RUSC2: variants seen among roughly 807,000 people sequenced by gnomAD.
RUSC2 encodes the protein RUN and SH3 domain containing 2, also known as AP-4 complex accessory subunit RUSC2.
Under a neutral mutation model 122.2 loss-of-function variants are expected in RUSC2, and 34 were observed. The ratio of observed to expected loss-of-function variants is 0.28; its 90% CI spans 0.21 to 0.37. RUSC2 has a LOEUF of 0.37. Among genes scored for constraint, RUSC2 ranks in the 10% least tolerant of loss-of-function variants. The probability of loss-of-function intolerance (pLI) is 1.00; values close to 1 mark genes in which losing one functional copy is unlikely to be tolerated. For synonymous variants in RUSC2, 784 were observed against 790.0 expected, an observed-to-expected ratio of 0.99 and a Z score of 0.13; for missense variants, 1,747 against 1,952.4, an observed-to-expected ratio of 0.89 and a Z score of 1.98.
intron 1 of RUSC2, among the ~76,000 whole-genome samples, chr9:35,527,941 G>C (rs1821352144): frequency 6.6e-6 from 1 of 152,158 alleles, no homozygotes; most frequent in Non-Finnish European, 1.5e-5. Flanking sequence ...GGTCATCTTG[G>C]CTGCAGTGAT....
At chr9:35,499,290 AAAAC>A (rs1458080298) in intron 1 of RUSC2, among the ~76,000 whole-genome samples, 1 of 152,002 alleles carries the variant, frequency 6.6e-6, no homozygotes, top group Non-Finnish European at 1.5e-5. Flanking sequence ...CTCAAAAACA[AAAAC>A]AAAAAACAAA....
chr9:35,514,937 C>T (rs890437753), intron 1 of RUSC2, among the ~76,000 whole-genome samples: 34 of 152,140 alleles, frequency 2.2e-4, no homozygotes, highest in African/African-American at 6.0e-4. Context: ...ACAACAATTC[C>T]ACCATAACTC....
chr9:35,514,985 A>G (rs1192476126), intron 1 of RUSC2, among the ~76,000 whole-genome samples: 1 of 152,178 alleles, frequency 6.6e-6, no homozygotes, highest in East Asian at 1.9e-4. Context: ...GGAGGGAGAA[A>G]TGTGGAATTT....
intron 1 of RUSC2, among the ~76,000 whole-genome samples, chr9:35,500,146 A>ACTGTATTAGTCTGTTTTTATG (rs371759486): frequency 0.17 from 25,998 of 151,794 alleles, 2,394 homozygotes; most frequent in Admixed American, 0.26. Flanking sequence ...TTTCTGCCTT[A>ACTGTATTAGTCTGTTTTTATG]CTGTATTAGT....
intron 1 of RUSC2, among the ~76,000 whole-genome samples, chr9:35,526,772 TCAAAA>T (rs1323180259): frequency 6.6e-6 from 1 of 152,160 alleles, no homozygotes; most frequent in African/African-American, 2.4e-5. Flanking sequence ...AGACCCTGTC[TCAAAA>T]CAAAATAAAA....
intron 1 of RUSC2, among the ~76,000 whole-genome samples, chr9:35,494,990 T>C (rs1166823210): frequency 2.6e-5 from 3 of 113,874 alleles, no homozygotes; most frequent in Non-Finnish European, 3.4e-5. Flanking sequence ...ATAATATATA[T>C]TTTATATATT....
rs1474496823 is a variant in RUSC2, at chr9:35,547,313, G to A, written c.792G>A (p.Gln264=). 1.9e-6 allele frequency: 3 copies of A among 1,614,098 alleles called. No homozygotes were observed. In the African/African-American group the frequency reaches 4.0e-5, roughly 22 times the overall value. ...STSSQSEAAD[Q]SMGYVSDSSC... ...CCAGTCAGTCCGAGGCAGCTGACCA[G>A]TCCATGGGCTATGTGAGCGACTCCT... Residue 264 remains glutamine (Q), a synonymous_variant, in exon 2 of 12, where the codon CAG becomes CAA. Coordinates refer to ENST00000361226, the MANE Select transcript of RUSC2 (RefSeq NM_014806.5). This position sits in a 1 kb window ranked among gnomAD's most constrained non-coding sequence, Gnocchi z 4.6.
intron 1 of RUSC2, among the ~76,000 whole-genome samples, chr9:35,492,551 T>C (rs1443442507): frequency 6.6e-6 from 1 of 151,988 alleles, no homozygotes; most frequent in African/African-American, 2.4e-5. Flanking sequence ...GAGAGCATCA[T>C]TTTGAGTAGC....
chr9:35,554,644 A>G (rs1186289013), intron 2 of RUSC2, among the ~76,000 whole-genome samples: 1 of 152,234 alleles, frequency 6.6e-6, no homozygotes, highest in Non-Finnish European at 1.5e-5. Flanking sequence ...GTTATAGCAC[A>G]TTTTAAGTGA....
At position 35,547,733 on chromosome 9, in the gene RUSC2, A is replaced by G. The variant is rs367983066; in HGVS notation, c.1212A>G (p.Leu404=). The change falls in exon 2 of 12, where the codon CTA becomes CTG. Residue 404 remains leucine (L), a synonymous_variant. Transcript: ENST00000361226. The surrounding 1 kb of genome is among the most constrained non-coding windows in gnomAD (Gnocchi z 4.6). Reference sequence around the variant, plus strand: ...ACTATAAACTTGTCACCTGTGACCTATCTTCCCAATCATCCCCAAGCCCTG... The same window carrying G: ...ACTATAAACTTGTCACCTGTGACCTGTCTTCCCAATCATCCCCAAGCCCTG... ...QNYYKLVTCD[L]SSQSSPSPAG... 25 of 1,614,006 alleles carry G rather than the reference A, an allele frequency of 1.5e-5. No individual in the cohort carries two copies. The highest frequency in any genetic ancestry group is 2.0e-5 in the Non-Finnish European group (24 of 1,180,040).
chr9:35,513,736 G>A (rs1009897497), intron 1 of RUSC2, among the ~76,000 whole-genome samples: 3 of 150,532 alleles, frequency 2.0e-5, no homozygotes, highest in Non-Finnish European at 4.4e-5. Context: ...TTTTGGCCAG[G>A]TGCAGTGGCT....
intron 1 of RUSC2, among the ~76,000 whole-genome samples, chr9:35,492,671 T>G (rs1820590113): frequency 8.5e-6 from 1 of 117,272 alleles, no homozygotes; most frequent in South Asian, 2.7e-4. Flanking sequence ...CTCTTTATGG[T>G]GGTAATATAT....
intron 1 of RUSC2, among the ~76,000 whole-genome samples, chr9:35,522,549 C>T (rs922414853): frequency 6.6e-6 from 1 of 152,242 alleles, no homozygotes; most frequent in Non-Finnish European, 1.5e-5. Context: ...ATTATTTTAA[C>T]AAAATTATGA....
chr9:35,520,843 T>C (rs1441170629), intron 1 of RUSC2, among the ~76,000 whole-genome samples: 1 of 152,224 alleles, frequency 6.6e-6, no homozygotes, highest in Non-Finnish European at 1.5e-5. Context: ...GCTCCCTTGC[T>C]GCTCACCTAC....
chr9:35,517,690 A>G (rs1344978271), intron 1 of RUSC2, among the ~76,000 whole-genome samples: 2 of 152,190 alleles, frequency 1.3e-5, no homozygotes, highest in Admixed American at 6.5e-5. Flanking sequence ...TAGGCCTGAA[A>G]GAAGGGCACT....
Position 35,556,096 on chromosome 9 carries a change from G to A in RUSC2, c.2801G>A (p.Gly934Asp). The change falls in exon 4 of 12, where the codon GGC (glycine) becomes GAC (aspartate). Residue 934 changes from glycine to aspartate, a missense_variant. Coordinates refer to ENST00000361226, the MANE Select transcript of RUSC2 (RefSeq NM_014806.5). ...ARRNPIFEFP[G>D]SLSAASHLNC... ...AGAAACCCTATCTTTGAGTTCCCTG[G>A]CTCCCTCAGTGCTGCCAGCCATCTG... 6.2e-7 allele frequency: 1 copy of A among 1,614,166 alleles called. No individual in the cohort carries two copies. Among genetic ancestry groups the A allele is most frequent in the Non-Finnish European group, 8.5e-7 (1 of 1,180,020 alleles).
At chr9:35,524,029 A>G (rs1821272478) in intron 1 of RUSC2, among the ~76,000 whole-genome samples, 1 of 151,794 alleles carries the variant, frequency 6.6e-6, no homozygotes, top group African/African-American at 2.4e-5. Flanking sequence ...ATAATAGAAA[A>G]TTGTCATTTT....
chr9:35,510,142 G>A (rs1272679215), intron 1 of RUSC2, among the ~76,000 whole-genome samples: 1 of 152,146 alleles, frequency 6.6e-6, no homozygotes, highest in Non-Finnish European at 1.5e-5. Flanking sequence ...AAAATGAATG[G>A]GAATAAAAGT....
chr9:35,529,553 T>G (rs1325612001), intron 1 of RUSC2, among the ~76,000 whole-genome samples: 1 of 150,630 alleles, frequency 6.6e-6, no homozygotes. Context: ...GTCTGTCACT[T>G]TGCAGCCTTT....
Sources: allele counts gnomAD v4.1 joint callset (sites outside exome capture counted in the v4.1 genomes callset), GRCh38; gene constraint gnomAD v4.1.1; non-coding constraint Gnocchi (gnomAD v3.1); transcripts MANE v1.5; gene names NCBI Gene and HGNC (gene_info 2026-07-23, HGNC 2026-07-21).